The following FRMD4A variants were observed in gnomAD, a reference collection of about 807,000 sequenced individuals.
FRMD4A encodes FERM domain containing 4A.
A neutral mutation model predicts 129.1 loss-of-function variants in FRMD4A; 29 were observed. That is an observed-to-expected ratio of 0.22 (90% CI 0.17 to 0.31). FRMD4A has a LOEUF of 0.31. Among genes scored for constraint, FRMD4A ranks in the 10% least tolerant of loss-of-function variants. The pLI, the probability that FRMD4A is intolerant of heterozygous loss-of-function variation, is 1.00. For synonymous variants in FRMD4A, 634 were observed against 571.6 expected (o/e 1.11, Z -1.56); for missense variants, 1,272 against 1,375.8 (o/e 0.92, Z 1.19).
At chr10:14,229,219 T>A (rs975972112) in intron 2 of FRMD4A, among the ~76,000 whole-genome samples, 1 of 152,126 alleles carries the variant, frequency 6.6e-6, no homozygotes, top group East Asian at 1.9e-4. Context: ...TCAATTTTTT[T>A]AAAAACCTAC....
intron 2 of FRMD4A, among the ~76,000 whole-genome samples, chr10:14,283,328 G>C (rs898200600): frequency 6.6e-6 from 1 of 152,150 alleles, no homozygotes; most frequent in African/African-American, 2.4e-5. Context: ...AAGTAGCAGC[G>C]TTCAACTTGG....
chr10:13,697,337 G>A (rs1288987258), intron 14 of FRMD4A, among the ~76,000 whole-genome samples: 3 of 152,084 alleles, frequency 2.0e-5, no homozygotes, highest in East Asian at 1.9e-4. Context: ...TAGTAGATAC[G>A]GGGTTTTGCC....
At chr10:13,854,272 A>C (rs1316522735) in intron 3 of FRMD4A, among the ~76,000 whole-genome samples, 2 of 152,154 alleles carry the variant, frequency 1.3e-5, no homozygotes, top group Non-Finnish European at 2.9e-5. Context: ...GAAGAAAATA[A>C]TTTTCAAGGA....
At chr10:13,718,304 A>G (rs574334307) in intron 12 of FRMD4A, among the ~76,000 whole-genome samples, 1 of 152,304 alleles carries the variant, frequency 6.6e-6, no homozygotes, top group African/African-American at 2.4e-5. Context: ...TGCTGCTGGG[A>G]GAAGGAACGC....
At chr10:13,975,127 G>A (rs1465647653) in intron 2 of FRMD4A, among the ~76,000 whole-genome samples, 1 of 151,260 alleles carries the variant, frequency 6.6e-6, no homozygotes, top group African/African-American at 2.4e-5. Flanking sequence ...GAGTCTCTAT[G>A]TATGTACCTG....
chr10:14,219,306 G>C (rs2131968644), intron 2 of FRMD4A, among the ~76,000 whole-genome samples: 1 of 152,244 alleles, frequency 6.6e-6, no homozygotes, highest in South Asian at 2.1e-4. Flanking sequence ...CACCCATTCT[G>C]TCCCCTCTGC....
Position 14,077,736 on chromosome 10 carries a change from C to A in FRMD4A, c.46-218824G>T, listed in dbSNP as rs117072729. Among the ~76,000 whole-genome samples the A allele has an allele frequency of 2.6e-4, 39 of 152,288 alleles. 1 individual carries two copies. The East Asian group carries it at 6.9e-3, about 27-fold the overall frequency. Reference sequence around the variant, plus strand: ...AATGCATTAAGTTTTAGAAGGAAATCTGTTTGAATTGTGGCTTGATGTCTA... The same window carrying A: ...AATGCATTAAGTTTTAGAAGGAAATATGTTTGAATTGTGGCTTGATGTCTA... On this transcript the variant is annotated intron_variant, in intron 2 of 24. Transcript: ENST00000357447.
chr10:14,250,902 C>A (rs527905459), intron 2 of FRMD4A, among the ~76,000 whole-genome samples: 1 of 152,102 alleles, frequency 6.6e-6, no homozygotes, highest in African/African-American at 2.4e-5. Context: ...AAACATAATA[C>A]GAGGCCAATT....
At chr10:13,710,070 G>A (rs2087858938) in intron 12 of FRMD4A, among the ~76,000 whole-genome samples, 2 of 152,090 alleles carry the variant, frequency 1.3e-5, no homozygotes, top group Non-Finnish European at 2.9e-5. Flanking sequence ...TTGTGGACTT[G>A]ATCCTGGCCT....
In FRMD4A at chr10:13,780,241, C is replaced by T. The variant is rs191687372; in HGVS notation, c.384+2681G>A. On this transcript the variant is annotated intron_variant, in intron 6 of 24. Coordinates refer to ENST00000357447, the MANE Select transcript of FRMD4A (RefSeq NM_018027.5). ...ACTCGGGAGGCTGAGGCGGGAGAAT[C>T]GCTTGAACCTGGGAGGCGGAGGCTG... Among the ~76,000 whole-genome samples, 249 of 151,896 alleles carry T rather than the reference C, an allele frequency of 1.6e-3. 1 individual carries two copies. The highest frequency in any genetic ancestry group is 3.4e-3 in the Admixed American group (52 of 15,262).
chr10:14,115,474 TCTC>T (rs1259035070), intron 2 of FRMD4A, among the ~76,000 whole-genome samples: 3 of 152,224 alleles, frequency 2.0e-5, no homozygotes, highest in Admixed American at 2.0e-4. Flanking sequence ...ATATAATTGT[TCTC>T]CTCTCCCTTA....
At position 14,055,453 on chromosome 10, in the gene FRMD4A, AC is replaced by A. The variant is rs1387038041; in HGVS notation, c.46-196542del. On this transcript the variant is annotated intron_variant, in intron 2 of 24. Transcript: ENST00000357447. ...CTGATCTAGCTACACACACACACAC[AC>A]ACACACAAACACACACACACACACA... is the stretch of plus-strand genomic sequence containing the variant. Among the ~76,000 whole-genome samples, 125 of 17,138 alleles carry A rather than the reference AC, an allele frequency of 7.3e-3. 1 individual carries two copies. The highest frequency in any genetic ancestry group is 0.077 in the Middle Eastern group (2 of 26). The allele number at this position is 17,138 out of a possible 152,430, so 11.2% of individuals were successfully genotyped here.
intron 12 of FRMD4A, among the ~76,000 whole-genome samples, chr10:13,737,032 T>C (rs895603076): frequency 6.6e-6 from 1 of 152,154 alleles, no homozygotes; most frequent in Non-Finnish European, 1.5e-5. Flanking sequence ...ATCACCTTTA[T>C]TGAGCCAGAA....
chr10:14,185,745 T>G (rs1272720481), intron 2 of FRMD4A, among the ~76,000 whole-genome samples: 1 of 152,152 alleles, frequency 6.6e-6, no homozygotes, highest in Admixed American at 6.5e-5. Context: ...GCAACAGCAG[T>G]AGACCAGGCT....
chr10:14,184,923 TA>T (rs1429679790), intron 2 of FRMD4A, among the ~76,000 whole-genome samples: 1 of 152,158 alleles, frequency 6.6e-6, no homozygotes. Flanking sequence ...ACGCGACCGC[TA>T]AAGTCGTGTA....
chr10:13,687,618 G>T (rs981500410), intron 15 of FRMD4A, among the ~76,000 whole-genome samples: 1 of 152,130 alleles, frequency 6.6e-6, no homozygotes, highest in East Asian at 1.9e-4. Flanking sequence ...ATTCATAGTT[G>T]TTCTCTCAAA....
intron 2 of FRMD4A, among the ~76,000 whole-genome samples, chr10:14,212,587 G>A (rs999931450): frequency 1.1e-4 from 17 of 152,204 alleles, no homozygotes; most frequent in Admixed American, 9.8e-4. Context: ...ACACACAGTA[G>A]ATCCTTAATG....
chr10:13,714,058 A>ATATATATATATG (rs1309144969), intron 12 of FRMD4A, among the ~76,000 whole-genome samples: 4 of 122,112 alleles, frequency 3.3e-5, no homozygotes, highest in Non-Finnish European at 5.0e-5. Flanking sequence ...ATATATATAT[A>ATATATATATATG]TAAAATATAC....
intron 2 of FRMD4A, chr10:13,891,756 G>T (rs1218357001): frequency 1.0e-6 from 1 of 982,796 alleles, no homozygotes; most frequent in Non-Finnish European, 1.2e-6. Context: ...CGCAGCTGGC[G>T]AGCCCCCGCC....
Sources: gnomAD v4.1 joint callset for allele counts (sites outside exome capture counted in the v4.1 genomes callset) on GRCh38, gnomAD v4.1.1 for gene constraint, MANE v1.5 for transcripts, NCBI Gene and HGNC (gene_info 2026-07-23, HGNC 2026-07-21) for gene names.